GNG4: variants seen among roughly 807,000 people sequenced by gnomAD.
GNG4 encodes the protein G protein subunit gamma 4.
A neutral mutation model predicts 5.8 loss-of-function variants in GNG4; 4 were observed. That is an observed-to-expected ratio of 0.69 (90% CI 0.34 to 1.57). The LOEUF (loss-of-function observed/expected upper bound fraction) is 1.57. Among genes scored for constraint, GNG4 ranks in the 40% most tolerant of loss-of-function variants. GNG4 has a pLI of 0.06. For missense variants in GNG4, 96 were observed against 95.1 expected (o/e 1.01, Z -0.04); for synonymous variants, 29 against 32.9 (o/e 0.88, Z 0.41).
intron 1 of GNG4, among the ~76,000 whole-genome samples, chr1:235,621,217 CAA>C (rs35400729): frequency 2.0e-4 from 23 of 114,290 alleles, no homozygotes; most frequent in African/African-American, 5.3e-4. Flanking sequence ...GGAGATTAGC[CAA>C]AAAAAAAAAA....
rs1413723538 is a variant in GNG4, at chr1:235,642,029, G to GC, written c.-123+7632dup. Among the ~76,000 whole-genome samples, 1 of 152,176 alleles carries GC rather than the reference G, an allele frequency of 6.6e-6. No individual in the cohort carries two copies. Among genetic ancestry groups the GC allele is most frequent in the African/African-American group, 2.4e-5 (1 of 41,454 alleles). On this transcript the variant is annotated intron_variant, in intron 1 of 3. Transcript: ENST00000391854. This position sits in a 1 kb window ranked among gnomAD's most constrained non-coding sequence, Gnocchi z 4.3. ...AGGGCGGGGATTTTTCGCTTCCCCC[G>GC]CAACTGCCTGCGTTTTCGTAGCCCT... is the stretch of plus-strand genomic sequence containing the variant.
chr1:235,571,120 A>G (rs1687331933), intron 3 of GNG4, among the ~76,000 whole-genome samples: 1 of 152,052 alleles, frequency 6.6e-6, no homozygotes, highest in African/African-American at 2.4e-5. Flanking sequence ...CTACAATACT[A>G]CAATAGAAAA....
rs112679854 is a variant in GNG4, at chr1:235,591,391, C to T, written c.-11+4009G>A. On this transcript the variant is annotated intron_variant, in intron 2 of 3. Transcript: ENST00000391854. The stretch of plus-strand genomic sequence containing the variant: ...GAGGTGGGCAAAAAAAGCAGGAAAT[C>T]CCTGGTGGGGGAGAAGGTAATGGCT... Among the ~76,000 whole-genome samples the T allele has an allele frequency of 2.4e-3, 368 of 152,320 alleles. 1 individual carries two copies. The highest frequency in any genetic ancestry group is 8.2e-3 in the African/African-American group (339 of 41,582).
At chr1:235,605,446 A>G (rs1051392064) in intron 1 of GNG4, among the ~76,000 whole-genome samples, 1 of 152,124 alleles carries the variant, frequency 6.6e-6, no homozygotes, top group East Asian at 1.9e-4. Flanking sequence ...AAGTGCTGAG[A>G]TTACAGGTGT....
At chr1:235,557,178 A>C (rs1196374179) in intron 3 of GNG4, among the ~76,000 whole-genome samples, 1 of 151,948 alleles carries the variant, frequency 6.6e-6, no homozygotes, top group African/African-American at 2.4e-5. Flanking sequence ...CTCGATACAG[A>C]ATCTATAATC....
At chr1:235,568,573 T>C (rs1347587613) in intron 3 of GNG4, among the ~76,000 whole-genome samples, 2 of 152,200 alleles carry the variant, frequency 1.3e-5, no homozygotes, top group Admixed American at 1.3e-4. Flanking sequence ...ATATCTATGT[T>C]GCCATGGACA....
intron 1 of GNG4, among the ~76,000 whole-genome samples, chr1:235,599,409 C>T (rs1288660637): frequency 6.6e-6 from 1 of 151,460 alleles, no homozygotes; most frequent in Non-Finnish European, 1.5e-5. Context: ...CGCCGCCTCC[C>T]GGGTTCAAGC....
chr1:235,612,317 TC>T, intron 1 of GNG4, among the ~76,000 whole-genome samples: 1 of 151,884 alleles, frequency 6.6e-6, no homozygotes, highest in Non-Finnish European at 1.5e-5. Context: ...GTGTGAGGAG[TC>T]CTGGAGAATT....
intron 3 of GNG4, among the ~76,000 whole-genome samples, chr1:235,572,530 C>T (rs1038662237): frequency 1.7e-4 from 22 of 128,788 alleles, no homozygotes; most frequent in African/African-American, 6.4e-4. Flanking sequence ...GAGACAGAGT[C>T]TAGCTCTGTC....
At chr1:235,645,145 A>G (rs1374722056) in intron 1 of GNG4, among the ~76,000 whole-genome samples, 1 of 152,180 alleles carries the variant, frequency 6.6e-6, no homozygotes, top group Non-Finnish European at 1.5e-5. Flanking sequence ...CTGGGAAGAC[A>G]GAGTCCCAGC....
At chr1:235,641,206 T>G (rs1406259249) in intron 1 of GNG4, among the ~76,000 whole-genome samples, 1 of 151,712 alleles carries the variant, frequency 6.6e-6, no homozygotes, top group East Asian at 1.9e-4. Context: ...GGCAACATAG[T>G]GAGAACCCAT....
intron 1 of GNG4, among the ~76,000 whole-genome samples, chr1:235,645,658 G>A (rs1010008257): frequency 3.9e-5 from 6 of 151,926 alleles, no homozygotes; most frequent in African/African-American, 1.2e-4. Flanking sequence ...TTAGCCGGGC[G>A]CGGTGGCACA....
intron 2 of GNG4, among the ~76,000 whole-genome samples, chr1:235,594,927 C>T (rs1487268559): frequency 6.6e-6 from 1 of 152,226 alleles, no homozygotes; most frequent in East Asian, 1.9e-4. Flanking sequence ...TGAGGGTTGC[C>T]AGCACGCTGT....
intron 3 of GNG4, among the ~76,000 whole-genome samples, chr1:235,554,845 C>CAA (rs34093722): frequency 1.8e-4 from 15 of 84,362 alleles, no homozygotes; most frequent in Admixed American, 2.7e-4. Context: ...AACTCCATCT[C>CAA]AAAAAAAAAA....
intron 1 of GNG4, among the ~76,000 whole-genome samples, chr1:235,605,504 A>G (rs529071374): frequency 1.3e-5 from 2 of 152,208 alleles, no homozygotes; most frequent in Admixed American, 6.5e-5. Flanking sequence ...TTATGTGGAG[A>G]CAAAACTAAC....
At chr1:235,573,692 ACT>A (rs1687407225) in intron 3 of GNG4, among the ~76,000 whole-genome samples, 2 of 151,990 alleles carry the variant, frequency 1.3e-5, no homozygotes, top group Non-Finnish European at 2.9e-5. Context: ...CAGGAGAATC[ACT>A]TGAACCCGAG....
At chr1:235,576,207 C>T (rs543914819) in intron 3 of GNG4, among the ~76,000 whole-genome samples, 68 of 147,516 alleles carry the variant, frequency 4.6e-4, no homozygotes, top group Non-Finnish European at 7.9e-4. Flanking sequence ...ACTACAGGCG[C>T]GTGCCACCAT....
chr1:235,604,174 G>T (rs892565648), intron 1 of GNG4, among the ~76,000 whole-genome samples: 1 of 152,132 alleles, frequency 6.6e-6, no homozygotes, highest in African/African-American at 2.4e-5. Context: ...ACTGGACCAC[G>T]GTGTTGACCG....
chr1:235,583,991 G>T, intron 2 of GNG4, 143 bp from the exon 3 acceptor site: 1 of 495,964 alleles, frequency 2.0e-6, no homozygotes. Flanking sequence ...ACCCTCCTGG[G>T]ATAAGAGAAA....
Sources: allele counts gnomAD v4.1 joint callset (sites outside exome capture counted in the v4.1 genomes callset), GRCh38; gene constraint gnomAD v4.1.1; non-coding constraint Gnocchi (gnomAD v3.1); transcripts MANE v1.5; gene names NCBI Gene and HGNC (gene_info 2026-07-23, HGNC 2026-07-21).